Variants in SHISA9 observed in about 807,000 individuals in gnomAD.
SHISA9 encodes the protein protein shisa-9.
In SHISA9, 13 loss-of-function variants were observed where a neutral mutation model predicts 38.0. The observed-to-expected ratio is 0.34, with a 90% CI of 0.22 to 0.54. The LOEUF is 0.54. Among genes scored for constraint, SHISA9 ranks in the 20% least tolerant of loss-of-function variants. SHISA9 has a pLI of 0.91. For missense variants in SHISA9, 538 were observed against 575.8 expected, an observed-to-expected ratio of 0.93 and a Z score of 0.67; for synonymous variants, 275 against 242.0, an observed-to-expected ratio of 1.14 and a Z score of -1.27.
At chr16:13,414,454 G>T in the SHISA9 span, among the ~76,000 whole-genome samples, 2 of 152,194 alleles carry the variant, frequency 1.3e-5, no homozygotes, top group South Asian at 2.1e-4. Flanking sequence ...TGCCCACACA[G>T]CATTCCTGGA....
chr16:13,420,066 C>T, the SHISA9 span, among the ~76,000 whole-genome samples: 16 of 151,814 alleles, frequency 1.1e-4, no homozygotes, highest in African/African-American at 9.7e-5. Context: ...GCCAACATGG[C>T]GAAACCCCGT....
the SHISA9 span, among the ~76,000 whole-genome samples, chr16:13,438,474 T>C: frequency 6.6e-6 from 1 of 152,134 alleles, no homozygotes; most frequent in South Asian, 2.1e-4. Flanking sequence ...GAACAAATCT[T>C]AAATAATCAT....
At chr16:13,202,699 T>C (rs1235906003) in intron 2 of SHISA9, among the ~76,000 whole-genome samples, 1 of 152,184 alleles carries the variant, frequency 6.6e-6, no homozygotes, top group Non-Finnish European at 1.5e-5. Context: ...TAATAATTCA[T>C]TTAAGAATTC....
the SHISA9 span, among the ~76,000 whole-genome samples, chr16:13,370,478 G>A: frequency 3.0e-4 from 46 of 152,146 alleles, no homozygotes; most frequent in African/African-American, 1.0e-3. Context: ...AGAAAGTTCC[G>A]TTAAGAAGGG....
At chr16:13,044,316 T>G (rs2073163874) in intron 2 of SHISA9, among the ~76,000 whole-genome samples, 1 of 152,244 alleles carries the variant, frequency 6.6e-6, no homozygotes, top group African/African-American at 2.4e-5. Context: ...TAGGAAGGAC[T>G]TGGATTTAGA....
intron 2 of SHISA9, among the ~76,000 whole-genome samples, chr16:13,181,302 TATATATATATACAC>T (rs1440087838): frequency 0.05 from 2,222 of 44,802 alleles, 34 homozygotes; most frequent in East Asian, 0.086. Context: ...TATATATATA[TATATATATATACAC>T]ACACACACAC....
At chr16:12,960,986 T>C (rs557617148) in intron 2 of SHISA9, among the ~76,000 whole-genome samples, 1 of 150,982 alleles carries the variant, frequency 6.6e-6, no homozygotes, top group South Asian at 2.1e-4. Flanking sequence ...ACTAAACAGC[T>C]AGCAGTGCAA....
chr16:13,340,489 C>T, the SHISA9 span, among the ~76,000 whole-genome samples: 13 of 152,294 alleles, frequency 8.5e-5, no homozygotes, highest in African/African-American at 2.9e-4. Context: ...TGACCTCAGC[C>T]TTTTGTTATG....
intron 2 of SHISA9, among the ~76,000 whole-genome samples, chr16:12,947,839 G>A (rs978762289): frequency 2.0e-5 from 3 of 152,144 alleles, no homozygotes; most frequent in African/African-American, 2.4e-5. Flanking sequence ...TTGCAAAGAT[G>A]GGAGCAAGAG....
the SHISA9 span, among the ~76,000 whole-genome samples, chr16:13,335,718 T>G: frequency 1.3e-5 from 2 of 152,066 alleles, no homozygotes; most frequent in South Asian, 4.1e-4. Flanking sequence ...CCGTAGAGCC[T>G]TTGATGCTCT....
At chr16:13,353,937 C>A in the SHISA9 span, among the ~76,000 whole-genome samples, 1 of 151,984 alleles carries the variant, frequency 6.6e-6, no homozygotes, top group Non-Finnish European at 1.5e-5. Flanking sequence ...GAAGGCTAAA[C>A]TGAGGAATTA....
chr16:13,014,651 G>T (rs2072719660), intron 2 of SHISA9, among the ~76,000 whole-genome samples: 1 of 152,178 alleles, frequency 6.6e-6, no homozygotes, highest in Admixed American at 6.5e-5. Context: ...GCACCAACCT[G>T]AGATGTGGTG....
chr16:13,435,303 G>A, the SHISA9 span, among the ~76,000 whole-genome samples: 1 of 152,012 alleles, frequency 6.6e-6, no homozygotes, highest in Non-Finnish European at 1.5e-5. Flanking sequence ...CTTCAAAGAG[G>A]TTCAGCAAGA....
chr16:13,412,494 T>A, the SHISA9 span, among the ~76,000 whole-genome samples: 1 of 152,042 alleles, frequency 6.6e-6, no homozygotes, highest in South Asian at 2.1e-4. Flanking sequence ...TCACTTTCTT[T>A]CCCTAATAAC....
chr16:12,945,359 CATG>C (rs1166538911), intron 2 of SHISA9, among the ~76,000 whole-genome samples: 2 of 152,118 alleles, frequency 1.3e-5, no homozygotes, highest in Non-Finnish European at 2.9e-5. Context: ...CTTTGAGAAA[CATG>C]ATGAATGGGA....
chr16:13,165,736 G>A (rs752891819), intron 2 of SHISA9, among the ~76,000 whole-genome samples: 3 of 152,146 alleles, frequency 2.0e-5, no homozygotes, highest in Admixed American at 6.5e-5. Flanking sequence ...ACAGTATCAC[G>A]TGCTGATCAG....
chr16:13,415,960 T>C, the SHISA9 span, among the ~76,000 whole-genome samples: 1 of 152,148 alleles, frequency 6.6e-6, no homozygotes, highest in Non-Finnish European at 1.5e-5. Context: ...AGAATAGCAG[T>C]TACCCTTGGG....
At chr16:13,517,150 A>G in the SHISA9 span, among the ~76,000 whole-genome samples, 2 of 152,170 alleles carry the variant, frequency 1.3e-5, no homozygotes, top group African/African-American at 4.8e-5. Flanking sequence ...ACACACATAG[A>G]GAAGAAGGCC....
At chr16:13,343,388 C>G in the SHISA9 span, among the ~76,000 whole-genome samples, 1 of 151,870 alleles carries the variant, frequency 6.6e-6, no homozygotes, top group African/African-American at 2.4e-5. Context: ...TTCTTTTTCT[C>G]TCTAGTACCA....
Sources: gnomAD v4.1 joint callset for allele counts (sites outside exome capture counted in the v4.1 genomes callset) on GRCh38, gnomAD v4.1.1 for gene constraint, MANE v1.5 for transcripts, NCBI Gene and HGNC (gene_info 2026-07-23, HGNC 2026-07-21) for gene names.